RPL17: variants seen among roughly 807,000 people sequenced by gnomAD.
The protein encoded by RPL17 is ribosomal protein L17, also known as large ribosomal subunit protein uL22.
RPL17 carries 2 observed loss-of-function variants against 27.7 expected under a neutral mutation model. The observed-to-expected ratio is 0.07, with a 90% confidence interval of 0.03 to 0.23. The LOEUF (loss-of-function observed/expected upper bound fraction) is 0.23, where lower values mean the gene tolerates loss of function less well. Ranked by LOEUF, RPL17 falls within the 10% of genes least tolerant of loss-of-function variation. RPL17 has a pLI of 1.00. For synonymous variants in RPL17, 76 were observed against 75.5 expected, an observed-to-expected ratio of 1.01 and a Z score of -0.03; for missense variants, 141 against 238.8, an observed-to-expected ratio of 0.59 and a Z score of 2.70.
At chr18:49,490,327 C>A in intron 5 of RPL17, 127 bp downstream of exon 5, 1 of 976,016 alleles carries the variant, frequency 1.0e-6, no homozygotes, top group Non-Finnish European at 1.5e-6. Flanking sequence ...GTGGAAACTG[C>A]AGGTAGAAAT....
chr18:49,490,626 A>C, intron 4 of RPL17, 74 bp from the exon 5 acceptor site: 1 of 1,605,094 alleles, frequency 6.2e-7, no homozygotes, highest in South Asian at 1.1e-5. Flanking sequence ...AATTTATCTG[A>C]TATCACGGTT....
At chr18:49,490,955 A>C in intron 3 of RPL17, 28 bp from the exon 4 acceptor site, 1 of 1,611,896 alleles carries the variant, frequency 6.2e-7, no homozygotes, top group Non-Finnish European at 8.5e-7. Context: ...AGTGTTGGTT[A>C]ACTAGATCAA....
Position 49,491,409 on chromosome 18 carries a change from A to G in RPL17, c.77T>C (p.Phe26Ser). ...TCACAACTATGAATCGCATACCTTA[A>G]AGTGAACACGAAGATTGGAACCTCT... ...KSRGSNLRVH[F>S]KNTRETAQAI... Residue 26 changes from phenylalanine to serine, a missense_variant, in exon 3 of 7, where the codon TTT (phenylalanine) becomes TCT (serine). By Grantham distance (155) the Phe-to-Ser change is radical. Around this residue, in one of 2 missense-constraint regions of RPL17, gnomAD observed 107 missense variants for 150.1 expected, o/e 0.71. Transcript: ENST00000580261. 1 of 1,614,200 alleles carries G rather than the reference A, an allele frequency of 6.2e-7. No individual in the cohort carries two copies. The highest frequency in any genetic ancestry group is 8.5e-7 in the Non-Finnish European group (1 of 1,180,046).
intron 5 of RPL17, among the ~76,000 whole-genome samples, chr18:49,490,006 T>C (rs1039634696): frequency 6.6e-6 from 1 of 152,250 alleles, no homozygotes; most frequent in Non-Finnish European, 1.5e-5. Flanking sequence ...AAGTTTGTCA[T>C]TGTTTAAACT....
In RPL17 at chr18:49,489,651, G is replaced by C. The variant is rs1226053375; in HGVS notation, c.316-101C>G. 9.6e-6 allele frequency: 12 copies of C among 1,246,136 alleles called. 1 individual carries two copies. In the Middle Eastern group the frequency reaches 1.2e-3, roughly 120 times the overall value. 77.2% of individuals were successfully genotyped at this position (1,246,136 alleles called of 1,614,324 possible). On this transcript the variant is annotated intron_variant, in intron 5 of 6. Transcript: ENST00000580261. The stretch of plus-strand genomic sequence containing the variant: ...TATGAATTCCCAGGCTTGCTCCAGA[G>C]TCCTGCCTCAATGAAATCATTTTTA...
intron 6 of RPL17, 128 bp downstream of exon 6, chr18:49,489,231 A>C: frequency 2.0e-6 from 2 of 988,966 alleles, no homozygotes; most frequent in Non-Finnish European, 2.9e-6. Flanking sequence ...AGCCAAAATA[A>C]GACAGGTGAA....
intron 1 of RPL17, chr18:49,491,948 C>T (rs578095069): frequency 3.4e-5 from 13 of 385,914 alleles, no homozygotes; most frequent in Middle Eastern, 8.6e-4. Flanking sequence ...TCCTCCCTCC[C>T]GCTCTACAGA....
chr18:49,491,867 T>C, intron 1 of RPL17: 1 of 553,424 alleles, frequency 1.8e-6, no homozygotes. Context: ...TTCAATCCAA[T>C]GCTGGATCTT....
At position 49,489,507 on chromosome 18, in the gene RPL17, T is replaced by C; in HGVS notation, c.359A>G (p.Asn120Ser). ...DSLVIEHIQVNKAPKMRRRTY... is the reference protein window; with the variant it reads ...DSLVIEHIQVSKAPKMRRRTY... The stretch of plus-strand genomic sequence containing the variant: ...CCGGCGGCGCATCTTAGGTGCTTTG[T>C]TCACTTGGATATGCTCAATGACCAG... Residue 120 changes from asparagine (N) to serine (S), a missense_variant, in exon 6 of 7, where the codon AAC becomes AGC. Asn to Ser is a conservative substitution (Grantham distance 46). Around this residue, in one of 2 missense-constraint regions of RPL17, gnomAD observed 34 missense variants for 88.8 expected, o/e 0.38. Coordinates refer to ENST00000580261, the MANE Select transcript of RPL17 (RefSeq NM_001035006.5). The C allele has an allele frequency of 1.2e-6, 2 of 1,601,530 alleles. No individual in the cohort carries two copies. Among genetic ancestry groups the C allele is most frequent in the Non-Finnish European group, 1.7e-6 (2 of 1,179,910 alleles).
In RPL17 at chr18:49,490,894, T is replaced by A. The variant is rs1568503283; in HGVS notation, c.115A>T (p.Met39Leu). 6.2e-7 allele frequency: 1 copy of A among 1,613,998 alleles called. No individual in the cohort carries two copies. Among genetic ancestry groups the A allele is most frequent in the Non-Finnish European group, 8.5e-7 (1 of 1,179,918 alleles). The change falls in exon 4 of 7, where the codon ATG becomes TTG. Residue 39 changes from methionine (M) to leucine (L), a missense_variant. This residue lies in a region of RPL17 where 107 missense variants were observed against 150.1 expected (regional missense o/e 0.71). Coordinates refer to ENST00000580261, the MANE Select transcript of RPL17 (RefSeq NM_001035006.5). Reference protein sequence around the residue: ...TRETAQAIKGMHIRKATKYLK... With the variant: ...TRETAQAIKGLHIRKATKYLK... Reference sequence around the variant, plus strand: ...TACTTCGTGGCTTTTCGTATATGCATACCCTTGATGGCCTGAGCAGTTTCA... The same window carrying A: ...TACTTCGTGGCTTTTCGTATATGCAAACCCTTGATGGCCTGAGCAGTTTCA...
intron 4 of RPL17, 96 bp from the exon 5 acceptor site, chr18:49,490,648 G>A (rs2084002116): frequency 2.5e-6 from 4 of 1,591,400 alleles, no homozygotes; most frequent in Non-Finnish European, 3.4e-6. Context: ...CTTAGGATAT[G>A]GTTTATTTCA....
intron 3 of RPL17, 81 bp from the exon 4 acceptor site, chr18:49,491,008 C>CT (rs1225767983): frequency 1.9e-6 from 3 of 1,585,946 alleles, no homozygotes; most frequent in Non-Finnish European, 2.6e-6. Context: ...CAATTTTCAG[C>CT]TTTTCAAAAT....
Position 49,491,251 on chromosome 18 carries a change from C to CTTAA in RPL17, c.81+153_81+154insTTAA, listed in dbSNP as rs778575361. On this transcript the variant is annotated intron_variant, in intron 3 of 6. Transcript: ENST00000580261. The stretch of plus-strand genomic sequence containing the variant: ...CAATTTCACAAACGCTACATCCTTA[C>CTTAA]ACCCTGATCATCAATGCCTAAATAT... 101 of 1,223,876 alleles carry CTTAA rather than the reference C, an allele frequency of 8.3e-5. 1 individual carries two copies. The Admixed American group carries it at 1.6e-3, about 20-fold the overall frequency. 75.8% of individuals were successfully genotyped at this position (1,223,876 alleles called of 1,614,324 possible).
chr18:49,490,647 TG>T, intron 4 of RPL17, 95 bp from the exon 5 acceptor site: 1 of 1,595,436 alleles, frequency 6.3e-7, no homozygotes, highest in South Asian at 1.1e-5. Flanking sequence ...TCTTAGGATA[TG>T]GTTTATTTCA....
rs1192480829 is a variant in RPL17, at chr18:49,492,448, A to T, written c.-14+10T>A. The T allele has an allele frequency of 6.6e-6, 1 of 152,358 alleles. No homozygotes were observed. Among genetic ancestry groups the T allele is most frequent in the Non-Finnish European group, 1.5e-5 (1 of 68,154 alleles). 9.4% of individuals were successfully genotyped at this position (152,358 alleles called of 1,614,324 possible). A position where few individuals can be genotyped will look rare whatever the true frequency, so the allele number is the denominator to read the frequency against. On this transcript the variant is annotated intron_variant, in intron 1 of 6. Transcript: ENST00000580261. ...TTGGGCCCTCGGAGCAACGCAGGAG[A>T]AACACTCACCTCAGGCTGCTTAGGG...
chr18:49,489,986 T>C (rs1363020528), intron 5 of RPL17, among the ~76,000 whole-genome samples: 2 of 152,252 alleles, frequency 1.3e-5, no homozygotes, highest in African/African-American at 4.8e-5. Flanking sequence ...AATTTGTGTT[T>C]TGTCAACACA....
At chr18:49,489,733 C>T (rs1011821454) in intron 5 of RPL17, among the ~76,000 whole-genome samples, 183 bp from the exon 6 acceptor site, 7 of 152,200 alleles carry the variant, frequency 4.6e-5, no homozygotes, top group African/African-American at 1.7e-4. Flanking sequence ...TCTGCCTTCA[C>T]CTTTACATGT....
At chr18:49,492,339 G>A (rs1323409173) in intron 1 of RPL17, 119 bp downstream of exon 1, 2 of 153,096 alleles carry the variant, frequency 1.3e-5, no homozygotes, top group African/African-American at 4.8e-5. Context: ...CCTCCAGCGA[G>A]GATTTAGTAG....
At chr18:49,490,367 A>G in intron 5 of RPL17, 87 bp downstream of exon 5, 1 of 1,411,678 alleles carries the variant, frequency 7.1e-7, no homozygotes, top group South Asian at 1.2e-5. Flanking sequence ...AATTACTGAA[A>G]ACAAGAAAAT....
Sources: allele counts gnomAD v4.1 joint callset (sites outside exome capture counted in the v4.1 genomes callset), GRCh38; gene constraint gnomAD v4.1.1; regional missense constraint gnomAD v4.1.1; transcripts MANE v1.5; gene names NCBI Gene and HGNC (gene_info 2026-07-23, HGNC 2026-07-21).